The following PLXDC2 variants were observed in gnomAD, a reference collection of about 807,000 sequenced individuals.
PLXDC2 encodes plexin domain containing 2, also known as plexin domain-containing protein 2.
PLXDC2 carries 40 observed loss-of-function variants against 68.9 expected under a neutral mutation model. The ratio of observed to expected loss-of-function variants is 0.58; its 90% CI spans 0.45 to 0.76. The LOEUF (loss-of-function observed/expected upper bound fraction) is 0.76. Among genes scored for constraint, PLXDC2 ranks in the 30% least tolerant of loss-of-function variants. The pLI is 0.00. For synonymous variants in PLXDC2, 243 were observed against 234.2 expected (o/e 1.04, Z -0.34); for missense variants, 644 against 661.9 (o/e 0.97, Z 0.30).
chr10:19,855,624 A>G (rs1159797671), intron 1 of PLXDC2, among the ~76,000 whole-genome samples: 2 of 152,198 alleles, frequency 1.3e-5, no homozygotes, highest in Non-Finnish European at 2.9e-5. Context: ...GAAATCTAAA[A>G]TTCTCCAATG....
intron 1 of PLXDC2, among the ~76,000 whole-genome samples, chr10:19,952,422 A>T (rs1834004928): frequency 6.6e-6 from 1 of 152,232 alleles, no homozygotes; most frequent in Admixed American, 6.5e-5. Context: ...AACCGTCTAA[A>T]TTCATTCAAC....
At chr10:20,041,999 A>T (rs2131677288) in intron 2 of PLXDC2, among the ~76,000 whole-genome samples, 1 of 152,326 alleles carries the variant, frequency 6.6e-6, no homozygotes, top group East Asian at 1.9e-4. Flanking sequence ...CACACTGGGC[A>T]TTGGGGCTTC....
chr10:20,026,198 C>T (rs1835399457), intron 2 of PLXDC2, among the ~76,000 whole-genome samples: 1 of 144,214 alleles, frequency 6.9e-6, no homozygotes, highest in African/African-American at 2.4e-5. Flanking sequence ...CTCCACTAAA[C>T]TATAAGCAGC....
intron 1 of PLXDC2, among the ~76,000 whole-genome samples, chr10:19,964,364 C>T (rs111849354): frequency 1.2e-3 from 182 of 152,306 alleles, no homozygotes; most frequent in African/African-American, 4.2e-3. Flanking sequence ...TTCCTCAGTC[C>T]TTTATGAGAG....
chr10:20,155,915 T>A (rs1347165915), intron 6 of PLXDC2, among the ~76,000 whole-genome samples: 1 of 152,302 alleles, frequency 6.6e-6, no homozygotes, highest in East Asian at 1.9e-4. Context: ...AGTCTCATTC[T>A]GTTGCCTCGG....
intron 1 of PLXDC2, among the ~76,000 whole-genome samples, chr10:19,862,151 A>G (rs1050411440): frequency 8.5e-5 from 13 of 152,218 alleles, no homozygotes; most frequent in African/African-American, 2.7e-4. Flanking sequence ...TATGAATTAT[A>G]TGTATAGCCG....
At chr10:20,258,742 T>G (rs910296460) in intron 13 of PLXDC2, among the ~76,000 whole-genome samples, 1 of 152,108 alleles carries the variant, frequency 6.6e-6, no homozygotes, top group Non-Finnish European at 1.5e-5. Flanking sequence ...GTGCGGTGGC[T>G]CACGCCTGTA....
At chr10:19,867,540 T>C (rs1837444537) in intron 1 of PLXDC2, among the ~76,000 whole-genome samples, 2 of 152,318 alleles carry the variant, frequency 1.3e-5, no homozygotes, top group Middle Eastern at 3.4e-3. Context: ...TAAGCTATTA[T>C]TACCTTCTTA....
chr10:19,835,022 A>G (rs1056428810), intron 1 of PLXDC2, among the ~76,000 whole-genome samples: 1 of 152,182 alleles, frequency 6.6e-6, no homozygotes, highest in Admixed American at 6.5e-5. Flanking sequence ...GCAGGAGGGC[A>G]GAGATGATGG....
At chr10:20,062,183 T>C (rs1438631774) in intron 3 of PLXDC2, among the ~76,000 whole-genome samples, 1 of 152,190 alleles carries the variant, frequency 6.6e-6, no homozygotes, top group East Asian at 1.9e-4. Flanking sequence ...CCCAGCACTT[T>C]GGGAGGCCGA....
chr10:20,227,072 A>G (rs1344412123), intron 12 of PLXDC2, among the ~76,000 whole-genome samples: 1 of 152,090 alleles, frequency 6.6e-6, no homozygotes, highest in Non-Finnish European at 1.5e-5. Context: ...ATGGCCCTAT[A>G]CCACTAAAAT....
intron 2 of PLXDC2, among the ~76,000 whole-genome samples, chr10:20,012,606 G>A (rs943570868): frequency 2.0e-5 from 3 of 151,646 alleles, no homozygotes; most frequent in African/African-American, 4.8e-5. Context: ...GATTATACGC[G>A]TCAACCACCG....
intron 4 of PLXDC2, among the ~76,000 whole-genome samples, chr10:20,125,515 G>A (rs887090749): frequency 4.6e-5 from 7 of 152,056 alleles, no homozygotes; most frequent in Non-Finnish European, 8.8e-5. Flanking sequence ...ATGTAGGCAC[G>A]ATCACAACTC....
At chr10:20,059,291 C>G (rs948628032) in intron 3 of PLXDC2, among the ~76,000 whole-genome samples, 2 of 151,814 alleles carry the variant, frequency 1.3e-5, no homozygotes, top group Non-Finnish European at 2.9e-5. Context: ...CTGAATTCTG[C>G]CTGAGTTGTA....
intron 2 of PLXDC2, among the ~76,000 whole-genome samples, chr10:20,035,908 C>T (rs79423656): frequency 0.018 from 2,686 of 152,096 alleles, 74 homozygotes; most frequent in African/African-American, 0.061. Context: ...TAAATTTTTG[C>T]ATAATTCTTT....
chr10:19,869,441 G>C (rs1330841165), intron 1 of PLXDC2, among the ~76,000 whole-genome samples: 1 of 96,456 alleles, frequency 1.0e-5, no homozygotes, highest in East Asian at 3.4e-4. Context: ...GAAAGAAAGA[G>C]AGAAAGAGAG....
intron 11 of PLXDC2, 29 bp from the exon 12 acceptor site, chr10:20,219,035 G>C: frequency 6.2e-7 from 1 of 1,605,154 alleles, no homozygotes; most frequent in East Asian, 2.3e-5. Flanking sequence ...ATCCTTTTCT[G>C]TTATAGTAAC....
intron 9 of PLXDC2, among the ~76,000 whole-genome samples, chr10:20,206,683 T>G (rs1834997064): frequency 6.6e-6 from 1 of 152,146 alleles, no homozygotes; most frequent in African/African-American, 2.4e-5. Flanking sequence ...TAAAAATTGC[T>G]GAGTTCCAAT....
chr10:19,882,414 C>T (rs143251051), intron 1 of PLXDC2, among the ~76,000 whole-genome samples: 9 of 152,000 alleles, frequency 5.9e-5, no homozygotes, highest in East Asian at 3.9e-4. Context: ...ATCAGGAAGC[C>T]GAGGAAATGT....
Sources: gnomAD v4.1 joint callset for allele counts (sites outside exome capture counted in the v4.1 genomes callset) on GRCh38, gnomAD v4.1.1 for gene constraint, MANE v1.5 for transcripts, NCBI Gene and HGNC (gene_info 2026-07-23, HGNC 2026-07-21) for gene names.